CSMD1: variants seen among roughly 807,000 people sequenced by gnomAD.
CSMD1 encodes the protein CUB and sushi domain-containing protein 1.
CSMD1 carries 213 observed loss-of-function variants against 417.5 expected under a neutral mutation model. That is an observed-to-expected ratio of 0.51 (90% CI 0.46 to 0.57). The LOEUF (loss-of-function observed/expected upper bound fraction) is 0.57. CSMD1 is among the 20% of genes least tolerant of loss of function. The pLI is 0.00. For missense variants in CSMD1, 6,923 were observed against 4,529.7 expected, an observed-to-expected ratio of 1.53 and a Z score of -15.17; for synonymous variants, 2,862 against 1,736.8, an observed-to-expected ratio of 1.65 and a Z score of -16.11.
chr8:3,642,029 T>G (rs1797332153), intron 7 of CSMD1, among the ~76,000 whole-genome samples: 2 of 152,126 alleles, frequency 1.3e-5, no homozygotes, highest in Admixed American at 6.5e-5. Flanking sequence ...TCACCACATC[T>G]GCAAACCTTG....
At chr8:4,168,141 A>T (rs1365613542) in intron 3 of CSMD1, among the ~76,000 whole-genome samples, 1 of 8,730 alleles carries the variant, frequency 1.1e-4, no homozygotes, top group Admixed American at 3.9e-3. Flanking sequence ...AAATAAAAAA[A>T]AATATACACA....
At chr8:3,404,302 T>G (rs920385349) in intron 15 of CSMD1, among the ~76,000 whole-genome samples, 2 of 148,918 alleles carry the variant, frequency 1.3e-5, no homozygotes, top group Non-Finnish European at 3.0e-5. Context: ...ACCACTGCAC[T>G]CCAGCCTGGG....
At chr8:4,960,890 T>A (rs1363042206) in intron 1 of CSMD1, among the ~76,000 whole-genome samples, 1 of 152,176 alleles carries the variant, frequency 6.6e-6, no homozygotes, top group East Asian at 1.9e-4. Context: ...ATTCCTCAAC[T>A]CCTGAAATAC....
intron 41 of CSMD1, among the ~76,000 whole-genome samples, chr8:3,118,895 T>C (rs1817023260): frequency 6.6e-6 from 1 of 152,140 alleles, no homozygotes; most frequent in Non-Finnish European, 1.5e-5. Flanking sequence ...AAGAAAGTAA[T>C]ACAGGCTGGG....
rs749489180 is a variant in CSMD1 at position 3,570,151 on chromosome 8, G to C, written c.1344+4794C>G. ...TAAAAGTCCACTTTAAGAAATCAAA[G>C]AACATACATCATGAGTTTTAATGGA... is the stretch of plus-strand genomic sequence containing the variant. On this transcript the variant is annotated intron_variant, in intron 10 of 69. Transcript: ENST00000635120. Among the ~76,000 whole-genome samples the C allele has an allele frequency of 6.6e-5, 10 of 152,124 alleles. 1 individual carries two copies. The highest frequency in any genetic ancestry group is 5.2e-4 in the Admixed American group (8 of 15,264).
At position 3,806,711 on chromosome 8, in the gene CSMD1, T is replaced by C. The variant is rs76161357; in HGVS notation, c.819-52669A>G. ...TTCAAAACAATCTAATGAGAGGTAA[T>C]ATTTCCATTTTAGGTATGGAAAAAC... On this transcript the variant is annotated intron_variant, in intron 5 of 69. Coordinates refer to ENST00000635120, the MANE Select transcript of CSMD1 (RefSeq NM_033225.6). 5.9e-3 allele frequency among the ~76,000 whole-genome samples: 896 copies of C among 152,328 alleles called. 2 individuals are homozygous for C. The highest frequency in any genetic ancestry group is 0.017 in the Middle Eastern group (5 of 294).
At chr8:4,899,983 G>C (rs1284587061) in intron 1 of CSMD1, among the ~76,000 whole-genome samples, 2 of 152,104 alleles carry the variant, frequency 1.3e-5, no homozygotes, top group African/African-American at 4.8e-5. Context: ...CTTATTTTTA[G>C]TCTAAGTAGG....
intron 5 of CSMD1, among the ~76,000 whole-genome samples, chr8:3,986,788 C>T (rs1376579971): frequency 6.6e-6 from 1 of 152,000 alleles, no homozygotes; most frequent in African/African-American, 2.4e-5. Flanking sequence ...TGGAGTCTCA[C>T]CCTGTTGCCC....
At chr8:3,119,753 C>T (rs746076456) in intron 41 of CSMD1, among the ~76,000 whole-genome samples, 22 of 152,302 alleles carry the variant, frequency 1.4e-4, no homozygotes, top group Non-Finnish European at 1.6e-4. Context: ...TCCCATGAGA[C>T]TGGGAACCTG....
intron 5 of CSMD1, among the ~76,000 whole-genome samples, chr8:3,972,062 G>A (rs991562644): frequency 1.3e-5 from 2 of 151,856 alleles, no homozygotes; most frequent in Admixed American, 6.6e-5. Context: ...ATAGAGACAG[G>A]GGCTCTGTAT....
At chr8:3,926,120 C>CACACACAAACACCAT in intron 5 of CSMD1, among the ~76,000 whole-genome samples, 1 of 133,096 alleles carries the variant, frequency 7.5e-6, no homozygotes, top group Non-Finnish European at 1.6e-5. Flanking sequence ...CACACACACA[C>CACACACAAACACCAT]ACACACACAC....
At chr8:4,243,985 A>C (rs1802550100) in intron 3 of CSMD1, among the ~76,000 whole-genome samples, 1 of 152,170 alleles carries the variant, frequency 6.6e-6, no homozygotes, top group Non-Finnish European at 1.5e-5. Flanking sequence ...ACAGTGGCAG[A>C]ATTTCAGTCC....
chr8:3,763,381 TC>T (rs1798113508), intron 5 of CSMD1, among the ~76,000 whole-genome samples: 1 of 152,132 alleles, frequency 6.6e-6, no homozygotes, highest in African/African-American at 2.4e-5. Context: ...GCTGGTGCCT[TC>T]CCCATGGTAA....
At chr8:4,899,026 A>G (rs563645845) in intron 1 of CSMD1, among the ~76,000 whole-genome samples, 1 of 152,334 alleles carries the variant, frequency 6.6e-6, no homozygotes, top group African/African-American at 2.4e-5. Context: ...TGCTAAACAC[A>G]ATCGACTCCT....
chr8:4,728,690 T>C (rs1004453309), intron 1 of CSMD1, among the ~76,000 whole-genome samples: 3 of 152,148 alleles, frequency 2.0e-5, no homozygotes, highest in African/African-American at 4.8e-5. Context: ...TGCTTCCACA[T>C]TGTTTTACAT....
intron 5 of CSMD1, among the ~76,000 whole-genome samples, chr8:3,777,119 CCT>C (rs1335265975): frequency 6.6e-5 from 3 of 45,228 alleles, no homozygotes; most frequent in African/African-American, 2.5e-4. Flanking sequence ...GCTATCTATA[CCT>C]ACACACACAC....
At chr8:4,150,470 G>C (rs149012175) in intron 3 of CSMD1, among the ~76,000 whole-genome samples, 1 of 152,162 alleles carries the variant, frequency 6.6e-6, no homozygotes, top group African/African-American at 2.4e-5. Context: ...TAGAACTTCA[G>C]CTAACAGAAT....
chr8:4,021,985 T>A (rs565857341), intron 4 of CSMD1, among the ~76,000 whole-genome samples: 2 of 151,992 alleles, frequency 1.3e-5, no homozygotes, highest in South Asian at 4.2e-4. Flanking sequence ...TAGGAAAGGA[T>A]AGTTAGGTCT....
At chr8:4,658,675 A>G (rs956238576) in intron 1 of CSMD1, among the ~76,000 whole-genome samples, 5 of 152,166 alleles carry the variant, frequency 3.3e-5, no homozygotes, top group Non-Finnish European at 7.4e-5. Flanking sequence ...GAAAAATTAA[A>G]AACTACAATC....
Sources: allele counts gnomAD v4.1 joint callset (sites outside exome capture counted in the v4.1 genomes callset), GRCh38; gene constraint gnomAD v4.1.1; transcripts MANE v1.5; gene names NCBI Gene and HGNC (gene_info 2026-07-23, HGNC 2026-07-21).